PIEZO2: variants seen among roughly 807,000 people sequenced by gnomAD.
The protein encoded by PIEZO2 is piezo type mechanosensitive ion channel component 2, also known as piezo-type mechanosensitive ion channel component 2.
A neutral mutation model predicts 337.3 loss-of-function variants in PIEZO2; 172 were observed. The observed-to-expected ratio is 0.51, with a 90% CI of 0.45 to 0.58. The LOEUF (loss-of-function observed/expected upper bound fraction) is 0.58, where lower values mean the gene tolerates loss of function less well. Among genes scored for constraint, PIEZO2 ranks in the 20% least tolerant of loss-of-function variants. The pLI is 0.00. For synonymous variants in PIEZO2, 1,251 were observed against 1,228.5 expected (o/e 1.02, Z -0.38); for missense variants, 3,028 against 3,391.3 (o/e 0.89, Z 2.66).
intron 2 of PIEZO2, among the ~76,000 whole-genome samples, chr18:10,984,529 T>A (rs770580975): frequency 2.6e-5 from 4 of 152,000 alleles, no homozygotes; most frequent in Non-Finnish European, 5.9e-5. Flanking sequence ...TTTGAAATTA[T>A]CCAGTAGAGG....
intron 1 of PIEZO2, among the ~76,000 whole-genome samples, chr18:11,079,753 C>T (rs2038674147): frequency 6.6e-6 from 1 of 152,146 alleles, no homozygotes; most frequent in Non-Finnish European, 1.5e-5. Flanking sequence ...ATGTTTGTCT[C>T]GTCTCTCATA....
chr18:10,694,439 T>C (rs2034995369), intron 47 of PIEZO2, among the ~76,000 whole-genome samples: 1 of 152,220 alleles, frequency 6.6e-6, no homozygotes, highest in Admixed American at 6.5e-5. Context: ...GATATGTTAT[T>C]CATAAGACTT....
rs1020196160 is a variant in PIEZO2 at position 10,856,900 on chromosome 18, G to A, written c.703+101C>T. On this transcript the variant is annotated intron_variant, in intron 6 of 55. Coordinates refer to ENST00000674853, the MANE Select transcript of PIEZO2 (RefSeq NM_001378183.1). This position sits in a 1 kb window ranked among gnomAD's most constrained non-coding sequence, Gnocchi z 4.7. ...CTACAGTTATGATATTCATGTGGTG[G>A]AACAGACTGTTTCCTTCATTTCTTC... 4 of 1,083,084 alleles carry A rather than the reference G, an allele frequency of 3.7e-6. No individual in the cohort carries two copies. The South Asian group carries it at 4.4e-5, about 12-fold the overall frequency. 67.1% of individuals were successfully genotyped at this position (1,083,084 alleles called of 1,614,324 possible).
At chr18:10,820,895 C>T (rs2040502261) in intron 7 of PIEZO2, among the ~76,000 whole-genome samples, 1 of 152,176 alleles carries the variant, frequency 6.6e-6, no homozygotes. Context: ...ATTCTTCACT[C>T]TGGCCAAAGC....
rs1277720968 is a variant in PIEZO2, at chr18:10,837,877, G to A, written c.917+17476C>T. Among the ~76,000 whole-genome samples the A allele has an allele frequency of 6.6e-6, 1 of 152,012 alleles. No homozygotes were observed. The highest frequency in any genetic ancestry group is 2.4e-5 in the African/African-American group (1 of 41,366). On this transcript the variant is annotated intron_variant, in intron 7 of 55. Coordinates refer to ENST00000674853, the MANE Select transcript of PIEZO2 (RefSeq NM_001378183.1). The surrounding 1 kb of genome is among the most constrained non-coding windows in gnomAD (Gnocchi z 4.4). The stretch of plus-strand genomic sequence containing the variant: ...AGTGATTCTCCTGCCTCAGCCTCCC[G>A]AGTAGCTGGGATTACTGGTGCCTGC...
intron 47 of PIEZO2, among the ~76,000 whole-genome samples, chr18:10,691,782 C>CACACATAT: frequency 1.0e-5 from 1 of 96,644 alleles, no homozygotes; most frequent in African/African-American, 4.7e-5. Flanking sequence ...CACACACACA[C>CACACATAT]ATATATATAT....
intron 3 of PIEZO2, among the ~76,000 whole-genome samples, chr18:10,932,516 G>A (rs116750787): frequency 0.013 from 1,971 of 152,318 alleles, 34 homozygotes; most frequent in African/African-American, 0.045. Context: ...TGTTTCCGGG[G>A]ATGAGCAAAC....
chr18:10,739,835 C>T (rs894184484), intron 33 of PIEZO2: 7 of 150,290 alleles, frequency 4.7e-5, no homozygotes, highest in Admixed American at 6.6e-5. Flanking sequence ...TCCAGATATA[C>T]CAAGCAAATT....
rs1196162168 is a variant in PIEZO2, at chr18:11,071,795, G to A, written c.65-5573C>T. Among the ~76,000 whole-genome samples, 3 of 152,290 alleles carry A rather than the reference G, an allele frequency of 2.0e-5. No homozygotes were observed. The East Asian group carries it at 5.8e-4, about 29-fold the overall frequency. On this transcript the variant is annotated intron_variant, in intron 1 of 55. Transcript: ENST00000674853. Reference sequence around the variant, plus strand: ...CAAAGAGCCCAGTGTGCAAGCAGAGGCCTCCAGGAGGCCGGATCATGCCAG... The same window carrying A: ...CAAAGAGCCCAGTGTGCAAGCAGAGACCTCCAGGAGGCCGGATCATGCCAG...
intron 30 of PIEZO2, among the ~76,000 whole-genome samples, chr18:10,747,544 A>T (rs997088221): frequency 6.6e-6 from 1 of 152,174 alleles, no homozygotes; most frequent in Non-Finnish European, 1.5e-5. Flanking sequence ...TGAATTCCGG[A>T]GCAGTGCGGT....
At position 10,696,500 on chromosome 18, in the gene PIEZO2, G is replaced by A; in HGVS notation, c.6867C>T (p.Tyr2289=). The A allele has an allele frequency of 6.2e-7, 1 of 1,613,972 alleles. No individual in the cohort carries two copies. Among genetic ancestry groups the A allele is most frequent in the South Asian group, 1.1e-5 (1 of 91,062 alleles). ...CGCTATACTCCGGGTGGATGAGGTT[G>A]TAAAAGAACTGTTTGATGGGCACAT... ...EIYVPIKQFF[Y]NLIHPEYSAV... The change falls in exon 46 of 56, where the codon TAC becomes TAT. Residue 2289 remains tyrosine (Y), a synonymous_variant. Transcript: ENST00000674853.
At chr18:10,957,311 C>T (rs1330510867) in intron 3 of PIEZO2, among the ~76,000 whole-genome samples, 4 of 151,690 alleles carry the variant, frequency 2.6e-5, no homozygotes, top group Non-Finnish European at 5.9e-5. Context: ...GTAAGAGAGT[C>T]GCTTGACCCT....
chr18:10,732,212 G>A (rs1207768969), intron 35 of PIEZO2, among the ~76,000 whole-genome samples: 2 of 152,132 alleles, frequency 1.3e-5, no homozygotes, highest in Admixed American at 1.3e-4. Context: ...CCCATACCAA[G>A]AGTCTCCCAA....
rs992094098 is a variant in PIEZO2 at position 10,718,344 on chromosome 18, T to A, written c.5030-85A>T. 1.2e-5 allele frequency: 14 copies of A among 1,151,496 alleles called. No individual in the cohort carries two copies. The African/African-American group carries it at 2.2e-4, about 18-fold the overall frequency. The allele number at this position is 1,151,496 out of a possible 1,614,324, so 71.3% of individuals were successfully genotyped here. The stretch of plus-strand genomic sequence containing the variant: ...TGTTACTCTTCTAGATTAAAAGGAA[T>A]TTTGTAATTAACTCTAGGACATTCT... On this transcript the variant is annotated intron_variant, in intron 36 of 55. Transcript: ENST00000674853.
Position 10,704,624 on chromosome 18 carries a change from A to T in PIEZO2, c.6028T>A (p.Ser2010Thr). Reference protein sequence around the residue: ...KMFHDDELEESEKFYVGQPRF... With the variant: ...KMFHDDELEETEKFYVGQPRF... The stretch of plus-strand genomic sequence containing the variant: ...GGCTGCCCCACGTAGAATTTCTCTG[A>T]CTCTTCAAGCTCATCGTCGTGAAAC... The change falls in exon 42 of 56, where the codon TCA becomes ACA. Residue 2010 changes from serine (S) to threonine (T), a missense_variant. Ser to Thr is a moderately conservative substitution (Grantham distance 58). This residue lies in a region of PIEZO2 where 1,925 missense variants were observed against 2,051.9 expected (regional missense o/e 0.94). Coordinates refer to ENST00000674853, the MANE Select transcript of PIEZO2 (RefSeq NM_001378183.1). 6.5e-7 allele frequency: 1 copy of T among 1,537,090 alleles called. No individual in the cohort carries two copies. The highest frequency in any genetic ancestry group is 8.7e-7 in the Non-Finnish European group (1 of 1,146,828).
At chr18:10,799,452 G>T (rs899057188) in intron 11 of PIEZO2, among the ~76,000 whole-genome samples, 1 of 151,976 alleles carries the variant, frequency 6.6e-6, no homozygotes, top group African/African-American at 2.4e-5. Context: ...TCCATTTCTA[G>T]GTCAGAGGTG....
chr18:10,786,928 T>C (rs2039243518), intron 16 of PIEZO2, 108 bp downstream of exon 16: 17 of 1,081,916 alleles, frequency 1.6e-5, no homozygotes, highest in Non-Finnish European at 2.0e-5. Flanking sequence ...GAGGAACTTA[T>C]AGACATTGAT....
intron 7 of PIEZO2, among the ~76,000 whole-genome samples, chr18:10,839,354 G>A (rs1481126627): frequency 6.6e-6 from 1 of 152,202 alleles, no homozygotes; most frequent in East Asian, 1.9e-4. Context: ...AGTATTTGCT[G>A]TGTCCTCTGT....
At chr18:11,091,977 G>A (rs938177826) in intron 1 of PIEZO2, among the ~76,000 whole-genome samples, 1 of 152,208 alleles carries the variant, frequency 6.6e-6, no homozygotes, top group East Asian at 1.9e-4. Flanking sequence ...AAGGCAGGCC[G>A]TGGTTTCCCC....
Sources: allele counts gnomAD v4.1 joint callset (sites outside exome capture counted in the v4.1 genomes callset), GRCh38; gene constraint gnomAD v4.1.1; regional missense constraint gnomAD v4.1.1; non-coding constraint Gnocchi (gnomAD v3.1); transcripts MANE v1.5; gene names NCBI Gene and HGNC (gene_info 2026-07-23, HGNC 2026-07-21).